GALNT13: variants seen among roughly 807,000 people sequenced by gnomAD.
The protein encoded by GALNT13 is polypeptide N-acetylgalactosaminyltransferase 13.
Under a neutral mutation model 64.2 loss-of-function variants are expected in GALNT13, and 28 were observed. The observed-to-expected ratio is 0.44, with a 90% CI of 0.32 to 0.60. The LOEUF (loss-of-function observed/expected upper bound fraction) is 0.60, where lower values mean the gene tolerates loss of function less well. Ranked by LOEUF, GALNT13 falls within the 20% of genes least tolerant of loss-of-function variation. The pLI is 0.05. For synonymous variants in GALNT13, 214 were observed against 224.6 expected (o/e 0.95, Z 0.42); for missense variants, 577 against 669.8 (o/e 0.86, Z 1.53).
the GALNT13 span, among the ~76,000 whole-genome samples, chr2:153,767,959 A>G: frequency 6.6e-6 from 1 of 152,032 alleles, no homozygotes; most frequent in Non-Finnish European, 1.5e-5. Flanking sequence ...GTTTAATTAA[A>G]TCCCATTTGT....
the GALNT13 span, among the ~76,000 whole-genome samples, chr2:153,142,485 C>A: frequency 6.6e-6 from 1 of 151,916 alleles, no homozygotes; most frequent in Non-Finnish European, 1.5e-5. Context: ...GGAAAACAGG[C>A]TGATGATTTA....
the GALNT13 span, among the ~76,000 whole-genome samples, chr2:153,081,725 C>T: frequency 6.6e-6 from 1 of 152,108 alleles, no homozygotes; most frequent in Admixed American, 6.6e-5. Context: ...CTGAATAGTA[C>T]TCCGCTATGT....
At chr2:153,255,304 T>G in the GALNT13 span, among the ~76,000 whole-genome samples, 5 of 140,946 alleles carry the variant, frequency 3.5e-5, no homozygotes, top group Non-Finnish European at 7.7e-5. Flanking sequence ...CTGCCTTTTT[T>G]TGTTTTCCAT....
At chr2:153,301,877 T>TG in the GALNT13 span, among the ~76,000 whole-genome samples, 4 of 146,060 alleles carry the variant, frequency 2.7e-5, no homozygotes, top group African/African-American at 1.0e-4. Flanking sequence ...GTATTCCACT[T>TG]TGTGTGTGTG....
the GALNT13 span, among the ~76,000 whole-genome samples, chr2:153,558,460 T>C: frequency 6.6e-6 from 1 of 152,184 alleles, no homozygotes; most frequent in Non-Finnish European, 1.5e-5. Context: ...ATCCCACATA[T>C]CTTAGCGATG....
the GALNT13 span, among the ~76,000 whole-genome samples, chr2:153,168,313 A>C: frequency 1.3e-5 from 2 of 152,348 alleles, no homozygotes; most frequent in South Asian, 2.1e-4. Context: ...ACGTTGACTA[A>C]TATTGACTTA....
chr2:153,583,853 G>A, the GALNT13 span, among the ~76,000 whole-genome samples: 1 of 152,170 alleles, frequency 6.6e-6, no homozygotes, highest in African/African-American at 2.4e-5. Flanking sequence ...ACCCAGCTCT[G>A]AGAAACAAGT....
chr2:153,798,709 T>C, the GALNT13 span, among the ~76,000 whole-genome samples: 1 of 152,178 alleles, frequency 6.6e-6, no homozygotes, highest in Non-Finnish European at 1.5e-5. Context: ...GGAGAAATTA[T>C]TTTATCTAAG....
the GALNT13 span, among the ~76,000 whole-genome samples, chr2:153,482,539 G>A: frequency 6.6e-6 from 1 of 152,078 alleles, no homozygotes; most frequent in Non-Finnish European, 1.5e-5. Flanking sequence ...GCACGATCTG[G>A]GCTCATTGCA....
intron 3 of GALNT13, among the ~76,000 whole-genome samples, chr2:153,990,785 T>C (rs1185856127): frequency 6.6e-6 from 1 of 152,182 alleles, no homozygotes; most frequent in East Asian, 1.9e-4. Flanking sequence ...AACTAAAAAC[T>C]TTCTTCTGCA....
chr2:153,988,129 T>A (rs1242507930), intron 3 of GALNT13, among the ~76,000 whole-genome samples: 9 of 151,544 alleles, frequency 5.9e-5, no homozygotes, highest in Non-Finnish European at 1.3e-4. Context: ...TAAATCAAGT[T>A]AATTAACATA....
the GALNT13 span, among the ~76,000 whole-genome samples, chr2:153,255,817 A>G: frequency 6.6e-6 from 1 of 152,148 alleles, no homozygotes; most frequent in Non-Finnish European, 1.5e-5. Flanking sequence ...TGGCTGGTAG[A>G]GTTTCTGCTG....
the GALNT13 span, among the ~76,000 whole-genome samples, chr2:153,404,089 C>T: frequency 2.0e-5 from 3 of 152,184 alleles, no homozygotes; most frequent in Non-Finnish European, 2.9e-5. Context: ...GATGTAGGCT[C>T]ATTGGTGTGT....
intron 3 of GALNT13, among the ~76,000 whole-genome samples, chr2:153,958,852 G>GAGAC (rs1312090076): frequency 6.6e-6 from 1 of 152,208 alleles, no homozygotes; most frequent in Non-Finnish European, 1.5e-5. Context: ...TGCCCAAGGG[G>GAGAC]AGACCTCAGA....
At chr2:154,205,007 A>G (rs891502499) in intron 4 of GALNT13, among the ~76,000 whole-genome samples, 2 of 152,176 alleles carry the variant, frequency 1.3e-5, no homozygotes, top group African/African-American at 4.8e-5. Flanking sequence ...AAATTGAATG[A>G]GTGATGGATG....
the GALNT13 span, among the ~76,000 whole-genome samples, chr2:153,275,183 A>G: frequency 3.3e-5 from 5 of 152,178 alleles, no homozygotes; most frequent in East Asian, 5.8e-4. Flanking sequence ...GATTTTTGTA[A>G]TATAGAAACA....
chr2:154,001,390 T>C (rs1574303186), intron 3 of GALNT13, among the ~76,000 whole-genome samples: 1 of 151,936 alleles, frequency 6.6e-6, no homozygotes, highest in East Asian at 1.9e-4. Flanking sequence ...TGATTATCTT[T>C]ATTAGCACAT....
At chr2:154,002,776 T>A (rs760342166) in intron 3 of GALNT13, among the ~76,000 whole-genome samples, 3 of 152,186 alleles carry the variant, frequency 2.0e-5, no homozygotes, top group Non-Finnish European at 4.4e-5. Context: ...CAGTTGTTCT[T>A]TGGTGGTTTT....
At chr2:154,377,680 T>C (rs1397167613) in intron 9 of GALNT13, among the ~76,000 whole-genome samples, 2 of 152,206 alleles carry the variant, frequency 1.3e-5, no homozygotes, top group African/African-American at 4.8e-5. Flanking sequence ...CATCATTTAT[T>C]ATCTAATATG....
Sources: gnomAD v4.1 joint callset for allele counts (sites outside exome capture counted in the v4.1 genomes callset) on GRCh38, gnomAD v4.1.1 for gene constraint, MANE v1.5 for transcripts, NCBI Gene and HGNC (gene_info 2026-07-23, HGNC 2026-07-21) for gene names.